The following ZBTB40 variants were observed in gnomAD, a reference collection of about 807,000 sequenced individuals.
The protein encoded by ZBTB40 is zinc finger and BTB domain containing 40, also known as zinc finger and BTB domain-containing protein 40.
Under a neutral mutation model 117.5 loss-of-function variants are expected in ZBTB40, and 60 were observed. That is an observed-to-expected ratio of 0.51 (90% CI 0.41 to 0.63). The LOEUF (loss-of-function observed/expected upper bound fraction) is 0.63, where lower values mean the gene tolerates loss of function less well. ZBTB40 is among the 30% of genes least tolerant of loss of function. The pLI is 0.00. For missense variants in ZBTB40, 1,287 were observed against 1,498.5 expected, an observed-to-expected ratio of 0.86 and a Z score of 2.33; for synonymous variants, 525 against 577.1, an observed-to-expected ratio of 0.91 and a Z score of 1.29.
intron 1 of ZBTB40, among the ~76,000 whole-genome samples, chr1:22,454,812 A>G (rs926748465): frequency 6.6e-6 from 1 of 152,222 alleles, no homozygotes; most frequent in African/African-American, 2.4e-5. Context: ...AATAAGAGAA[A>G]CTGTATTCAT....
intron 12 of ZBTB40, among the ~76,000 whole-genome samples, chr1:22,515,031 G>A (rs996669899): frequency 1.3e-5 from 2 of 152,192 alleles, no homozygotes; most frequent in African/African-American, 4.8e-5. Context: ...GAAGCATAAA[G>A]CAGGGTACAC....
chr1:22,434,072 T>G (rs1464813871), intron 1 of ZBTB40, among the ~76,000 whole-genome samples: 1 of 152,198 alleles, frequency 6.6e-6, no homozygotes, highest in African/African-American at 2.4e-5. Flanking sequence ...GAGTTCCATT[T>G]CAACCAGCAA....
chr1:22,459,110 T>G (rs1347405625), intron 1 of ZBTB40, among the ~76,000 whole-genome samples: 1 of 152,240 alleles, frequency 6.6e-6, no homozygotes, highest in African/African-American at 2.4e-5. Context: ...GGATATATCA[T>G]GTCTGTGATA....
At chr1:22,470,620 A>G (rs963349161) in intron 1 of ZBTB40, among the ~76,000 whole-genome samples, 1 of 152,232 alleles carries the variant, frequency 6.6e-6, no homozygotes, top group South Asian at 2.1e-4. Context: ...CTCTGAGAGA[A>G]AGAGACTGAA....
In ZBTB40 at chr1:22,509,084, TC is replaced by T. The variant is rs766599741; in HGVS notation, c.1700-11del. On this transcript the variant is annotated splice_polypyrimidine_tract_variant and intron_variant, in intron 8 of 17. Transcript: ENST00000375647. The stretch of plus-strand genomic sequence containing the variant: ...CATTGTTTGCCTAATGAGTTTTTGA[TC>T]CCCCTTTTTTTCAGTGACCACCCCA... 1.2e-6 allele frequency: 2 copies of T among 1,613,850 alleles called. No individual in the cohort carries two copies. The highest frequency in any genetic ancestry group is 1.3e-5 in the African/African-American group (1 of 74,848).
chr1:22,521,203 C>T (rs1431554137), intron 14 of ZBTB40, among the ~76,000 whole-genome samples: 1 of 152,212 alleles, frequency 6.6e-6, no homozygotes, highest in Admixed American at 6.5e-5. Flanking sequence ...TCTCCGCTTC[C>T]AGCTCGCTAG....
chr1:22,523,859 A>G (rs888013580), intron 16 of ZBTB40, among the ~76,000 whole-genome samples: 3 of 152,198 alleles, frequency 2.0e-5, no homozygotes, highest in Non-Finnish European at 2.9e-5. Context: ...TACTTCAGAG[A>G]TGTTAAAATG....
intron 5 of ZBTB40, among the ~76,000 whole-genome samples, chr1:22,502,682 G>T (rs1339930447): frequency 6.6e-6 from 1 of 152,126 alleles, no homozygotes; most frequent in East Asian, 1.9e-4. Flanking sequence ...TGGGTGGGTG[G>T]ATGGATGGAT....
At chr1:22,437,820 T>G (rs1203268802) in intron 1 of ZBTB40, among the ~76,000 whole-genome samples, 1 of 151,914 alleles carries the variant, frequency 6.6e-6, no homozygotes, top group Non-Finnish European at 1.5e-5. Context: ...CATAACTCTT[T>G]TCGTCTTGTG....
At chr1:22,483,247 G>A (rs1333273541) in intron 1 of ZBTB40, among the ~76,000 whole-genome samples, 1 of 152,060 alleles carries the variant, frequency 6.6e-6, no homozygotes, top group African/African-American at 2.4e-5. Context: ...GAATAAAGCT[G>A]CTTTATAAGT....
chr1:22,480,928 T>C (rs1443745438), intron 1 of ZBTB40, among the ~76,000 whole-genome samples: 1 of 152,212 alleles, frequency 6.6e-6, no homozygotes, highest in Non-Finnish European at 1.5e-5. Flanking sequence ...CTCTGGGCTT[T>C]ATGCAAGGGT....
chr1:22,466,035 C>T (rs1398353747), intron 1 of ZBTB40, among the ~76,000 whole-genome samples: 1 of 152,214 alleles, frequency 6.6e-6, no homozygotes, highest in Non-Finnish European at 1.5e-5. Flanking sequence ...TCCCCATTTA[C>T]TCTTCCCCAA....
intron 1 of ZBTB40, among the ~76,000 whole-genome samples, chr1:22,473,992 A>G (rs1013243635): frequency 2.6e-5 from 4 of 152,184 alleles, no homozygotes; most frequent in African/African-American, 7.2e-5. Flanking sequence ...ATCCCAGTAT[A>G]TAAGCAAAGT....
chr1:22,461,817 G>A (rs558727791), intron 1 of ZBTB40, among the ~76,000 whole-genome samples: 1 of 152,320 alleles, frequency 6.6e-6, no homozygotes, highest in African/African-American at 2.4e-5. Flanking sequence ...GGATTATGCT[G>A]AATTTCTTCT....
chr1:22,475,363 A>G (rs537855643), intron 1 of ZBTB40, among the ~76,000 whole-genome samples: 116 of 152,110 alleles, frequency 7.6e-4, no homozygotes, highest in Non-Finnish European at 1.2e-3. Flanking sequence ...TTCCTCTTAC[A>G]TGGGTGTTTT....
chr1:22,505,824 T>A (rs964556719), intron 5 of ZBTB40, among the ~76,000 whole-genome samples: 2 of 152,094 alleles, frequency 1.3e-5, no homozygotes, highest in African/African-American at 4.8e-5. Flanking sequence ...AGACCTGCAA[T>A]TGAGAAAGAA....
intron 12 of ZBTB40, 93 bp from the exon 13 acceptor site, chr1:22,517,207 A>G: frequency 6.4e-7 from 1 of 1,556,338 alleles, no homozygotes; most frequent in South Asian, 1.1e-5. Context: ...ACCAGATGAT[A>G]TTTCCCTGAT....
At chr1:22,475,031 G>T (rs1641522768) in intron 1 of ZBTB40, among the ~76,000 whole-genome samples, 1 of 151,912 alleles carries the variant, frequency 6.6e-6, no homozygotes. Flanking sequence ...CCATAGGAGG[G>T]TGCAGAATTG....
At chr1:22,468,465 C>CTTTTTTTTTTTTTT (rs555995462) in intron 1 of ZBTB40, among the ~76,000 whole-genome samples, 1 of 51,708 alleles carries the variant, frequency 1.9e-5, no homozygotes, top group Non-Finnish European at 3.4e-5. Flanking sequence ...TTAATGTTTC[C>CTTTTTTTTTTTTTT]TTTTTTTTTT....
Sources: allele counts gnomAD v4.1 joint callset (sites outside exome capture counted in the v4.1 genomes callset), GRCh38; gene constraint gnomAD v4.1.1; transcripts MANE v1.5; gene names NCBI Gene and HGNC (gene_info 2026-07-23, HGNC 2026-07-21).